The following SLC6A4 variants were observed in gnomAD, a reference collection of about 807,000 sequenced individuals.
The protein encoded by SLC6A4 is solute carrier family 6 member 4, also known as sodium-dependent serotonin transporter.
Under a neutral mutation model 73.4 loss-of-function variants are expected in SLC6A4, and 22 were observed. The observed-to-expected ratio is 0.30, with a 90% CI of 0.21 to 0.43. The LOEUF is 0.43. SLC6A4 is among the 20% of genes least tolerant of loss of function. The pLI is 1.00. For missense variants in SLC6A4, 593 were observed against 808.5 expected (o/e 0.73, Z 3.23); for synonymous variants, 270 against 315.5 (o/e 0.86, Z 1.53).
chr17:30,213,629 C>A (rs1470667666), intron 8 of SLC6A4, among the ~76,000 whole-genome samples: 1 of 152,022 alleles, frequency 6.6e-6, no homozygotes, highest in African/African-American at 2.4e-5. Context: ...CTCCCTCCCA[C>A]CTTTAAAAAA....
Position 30,229,185 on chromosome 17 carries a change from G to A in SLC6A4, c.-220-6270C>T, listed in dbSNP as rs538289337. ...GGACAGGAAGAGACTGACATGCCCA[G>A]GATTAAAGAGCCCGGGATGGGCTTT... On this transcript the variant is annotated intron_variant, in intron 1 of 14. Coordinates refer to ENST00000650711, the MANE Select transcript of SLC6A4 (RefSeq NM_001045.6). Among the ~76,000 whole-genome samples, 10 of 152,310 alleles carry A rather than the reference G, an allele frequency of 6.6e-5. 1 individual carries two copies. In the South Asian group the frequency reaches 2.1e-3, roughly 32 times the overall value.
At chr17:30,230,044 G>GA (rs753362384) in intron 1 of SLC6A4, among the ~76,000 whole-genome samples, 1 of 81,220 alleles carries the variant, frequency 1.2e-5, no homozygotes, top group Non-Finnish European at 2.5e-5. Context: ...AGAAAAAGAA[G>GA]AAAGAAGAAG....
chr17:30,202,487 C>A (rs1388667528), intron 14 of SLC6A4, among the ~76,000 whole-genome samples: 1 of 152,154 alleles, frequency 6.6e-6, no homozygotes, highest in Non-Finnish European at 1.5e-5. Context: ...GGTAATAATG[C>A]CTGCCCATTT....
intron 5 of SLC6A4, among the ~76,000 whole-genome samples, 175 bp downstream of exon 5, chr17:30,217,943 G>A (rs576506860): frequency 4.6e-5 from 7 of 152,312 alleles, no homozygotes; most frequent in Non-Finnish European, 4.4e-5. Context: ...GGGCCAGGCC[G>A]TGGAGCACTT....
intron 2 of SLC6A4, among the ~76,000 whole-genome samples, chr17:30,222,593 T>C (rs957562181): frequency 6.6e-6 from 1 of 152,236 alleles, no homozygotes; most frequent in African/African-American, 2.4e-5. Flanking sequence ...ACTACAGCTA[T>C]GATTTTAAAA....
intron 1 of SLC6A4, among the ~76,000 whole-genome samples, chr17:30,224,229 T>C (rs1211081857): frequency 1.3e-5 from 2 of 151,806 alleles, no homozygotes; most frequent in Non-Finnish European, 2.9e-5. Flanking sequence ...AGTTTTGTTT[T>C]TTTTTTTTTG....
At position 30,217,324 on chromosome 17, in the gene SLC6A4, A is replaced by T; in HGVS notation, c.699-20T>A. On this transcript the variant is annotated intron_variant, in intron 5 of 14. Coordinates refer to ENST00000650711, the MANE Select transcript of SLC6A4 (RefSeq NM_001045.6). The stretch of plus-strand genomic sequence containing the variant: ...TGGCGCCTGGGGTGAAGGAGAAAGA[A>T]AGGCCCCTGAGAGGCTCTGTAGAGT... 6.2e-7 allele frequency: 1 copy of T among 1,610,882 alleles called. No individual in the cohort carries two copies. The highest frequency in any genetic ancestry group is 8.5e-7 in the Non-Finnish European group (1 of 1,178,562).
rs375183489 is a variant in SLC6A4, at chr17:30,226,538, A to G, written c.-220-3623T>C. Among the ~76,000 whole-genome samples the G allele has an allele frequency of 1.2e-4, 18 of 152,266 alleles. No homozygotes were observed. The East Asian group carries it at 2.5e-3, about 21-fold the overall frequency. ...AGCATGGTGAAATCCTGTCTCTACTAAAAATACAAAAAGTAGCTGGGTGTG... is the reference window on the plus strand; with the variant it reads ...AGCATGGTGAAATCCTGTCTCTACTGAAAATACAAAAAGTAGCTGGGTGTG... On this transcript the variant is annotated intron_variant, in intron 1 of 14. Transcript: ENST00000650711.
At position 30,218,818 on chromosome 17, in the gene SLC6A4, T is replaced by A. The variant is rs1176511049; in HGVS notation, c.457A>T (p.Lys153Ter). 1 of 1,614,022 alleles carries A rather than the reference T, an allele frequency of 6.2e-7. No individual in the cohort carries two copies. Among genetic ancestry groups the A allele is most frequent in the South Asian group, 1.1e-5 (1 of 91,044 alleles). ...TTACCTTTGAAAATCGGGCAGATTT[T>A]CCTCCATATTGAAATGCATCCATTT... Reference protein sequence around the residue: ...HRNGCISIWRKICPIFKGIGY... With the variant: ...HRNGCISIWR The change falls in exon 4 of 15, where the codon AAA becomes TAA. Residue 153 changes from lysine (K) to a stop codon, truncating the protein, a stop_gained. Coordinates refer to ENST00000650711, the MANE Select transcript of SLC6A4 (RefSeq NM_001045.6). LOFTEE classifies it high-confidence loss of function.
chr17:30,201,791 T>C (rs1203050988), intron 14 of SLC6A4, among the ~76,000 whole-genome samples: 3 of 152,140 alleles, frequency 2.0e-5, no homozygotes, highest in Non-Finnish European at 2.9e-5. Context: ...AAAAAAGAAA[T>C]GAACGCAGTT....
chr17:30,218,510 G>A (rs1043773631), intron 4 of SLC6A4, among the ~76,000 whole-genome samples, 173 bp from the exon 5 acceptor site: 3 of 152,186 alleles, frequency 2.0e-5, no homozygotes, highest in South Asian at 2.1e-4. Flanking sequence ...TGGCCCTGCC[G>A]TTAGTCACTC....
chr17:30,231,938 TC>T, intron 1 of SLC6A4, among the ~76,000 whole-genome samples: 1 of 152,194 alleles, frequency 6.6e-6, no homozygotes, highest in Non-Finnish European at 1.5e-5. Context: ...AGACTCAAGT[TC>T]TAGGCCTGGC....
At chr17:30,209,363 C>G in intron 11 of SLC6A4, 121 bp from the exon 12 acceptor site, 1 of 633,632 alleles carries the variant, frequency 1.6e-6, no homozygotes, top group Non-Finnish European at 2.7e-6. Context: ...TGGGACCGAA[C>G]GTGAGTACCC....
chr17:30,210,784 C>T, intron 10 of SLC6A4, 138 bp from the exon 11 acceptor site: 1 of 854,458 alleles, frequency 1.2e-6, no homozygotes, highest in Non-Finnish European at 1.8e-6. Flanking sequence ...GCTCGCTGGA[C>T]CATGTAAGCA....
Position 30,218,169 on chromosome 17 carries a change from T to C in SLC6A4, c.647A>G (p.Asp216Gly), listed in dbSNP as rs1906638928. 5 of 1,614,182 alleles carry C rather than the reference T, an allele frequency of 3.1e-6. No individual in the cohort carries two copies. The highest frequency in any genetic ancestry group is 3.4e-6 in the Non-Finnish European group (4 of 1,180,016). Residue 216 changes from aspartate to glycine, a missense_variant, in exon 5 of 15, where the codon GAC (aspartate) becomes GGC (glycine). Coordinates refer to ENST00000650711, the MANE Select transcript of SLC6A4 (RefSeq NM_001045.6). ...GGAATGGAGGGTCCAGGTGATGTTG[T>C]CCTCGGAGAAGTAATTGGTGCAGTT... is the stretch of plus-strand genomic sequence containing the variant. ...TGNCTNYFSE[D>G]NITWTLHSTS...
At position 30,218,356 on chromosome 17, in the gene SLC6A4, G is replaced by A. The variant is rs201945422; in HGVS notation, c.479-19C>T. The A allele has an allele frequency of 5.6e-6, 9 of 1,598,050 alleles. No individual in the cohort carries two copies. Among genetic ancestry groups the A allele is most frequent in the Admixed American group, 3.4e-5 (2 of 59,590 alleles). On this transcript the variant is annotated intron_variant, in intron 4 of 14. Coordinates refer to ENST00000650711, the MANE Select transcript of SLC6A4 (RefSeq NM_001045.6). ...CCAATCCCTGGGCAGTGGGTGAGAT[G>A]GAGAGACAGAGGCCGAGTTTAAGGG...
intron 2 of SLC6A4, 86 bp downstream of exon 2, chr17:30,222,733 T>C (rs769794086): frequency 6.7e-5 from 78 of 1,162,614 alleles, no homozygotes; most frequent in Non-Finnish European, 8.6e-5. Flanking sequence ...CCTCCGGCTG[T>C]GTCCAGTCTA....
intron 1 of SLC6A4, among the ~76,000 whole-genome samples, chr17:30,232,300 G>A (rs1359246317): frequency 6.6e-6 from 1 of 152,088 alleles, no homozygotes; most frequent in East Asian, 1.9e-4. Context: ...AGAAGTGCTC[G>A]CCCAGATCAC....
intron 10 of SLC6A4, among the ~76,000 whole-genome samples, chr17:30,210,915 G>A (rs1053476923): frequency 5.9e-5 from 9 of 152,172 alleles, no homozygotes; most frequent in African/African-American, 9.7e-5. Context: ...GGGAGACTCC[G>A]TTTGCACCAG....
Sources: allele counts gnomAD v4.1 joint callset (sites outside exome capture counted in the v4.1 genomes callset), GRCh38; gene constraint gnomAD v4.1.1; transcripts MANE v1.5; gene names NCBI Gene and HGNC (gene_info 2026-07-23, HGNC 2026-07-21).